The following RNF217 variants were observed in gnomAD, a reference collection of about 807,000 sequenced individuals.
The protein encoded by RNF217 is E3 ubiquitin-protein ligase RNF217.
In RNF217, 31 loss-of-function variants were observed where a neutral mutation model predicts 57.8. That is an observed-to-expected ratio of 0.54 (90% confidence interval 0.40 to 0.72). The LOEUF (loss-of-function observed/expected upper bound fraction) is 0.72, where lower values mean the gene tolerates loss of function less well. Ranked by LOEUF, RNF217 falls within the 30% of genes least tolerant of loss-of-function variation. The probability of loss-of-function intolerance (pLI) is 0.00; values close to 1 mark genes in which losing one functional copy is unlikely to be tolerated. For missense variants in RNF217, 696 were observed against 708.3 expected (o/e 0.98, Z 0.20); for synonymous variants, 313 against 294.0 (o/e 1.06, Z -0.66).
At chr6:125,038,592 C>T (rs547149670) in intron 1 of RNF217, among the ~76,000 whole-genome samples, 16 of 152,146 alleles carry the variant, frequency 1.1e-4, no homozygotes, top group Admixed American at 1.0e-3. Flanking sequence ...TTCACATATA[C>T]TTTAATTATC....
At chr6:125,075,280 T>C (rs1219935813) in intron 3 of RNF217, among the ~76,000 whole-genome samples, 1 of 152,160 alleles carries the variant, frequency 6.6e-6, no homozygotes, top group Non-Finnish European at 1.5e-5. Context: ...TAGACTATTT[T>C]TAGGAGGTCT....
At chr6:124,998,541 T>C (rs540841698) in intron 1 of RNF217, among the ~76,000 whole-genome samples, 1 of 152,194 alleles carries the variant, frequency 6.6e-6, no homozygotes, top group Non-Finnish European at 1.5e-5. Context: ...GGCTCAAACC[T>C]GTAGTCGCAA....
intron 3 of RNF217, among the ~76,000 whole-genome samples, chr6:125,070,316 G>T (rs552525183): frequency 6.6e-6 from 1 of 152,232 alleles, no homozygotes; most frequent in African/African-American, 2.4e-5. Flanking sequence ...CTATAAACAT[G>T]TGCGTGCACA....
At position 125,028,786 on chromosome 6, in the gene RNF217, T is replaced by C. The variant is rs554550134; in HGVS notation, c.883-16425T>C. On this transcript the variant is annotated intron_variant, in intron 1 of 5. Transcript: ENST00000521654. ...ATAAGGTTTTTTTTTTAGTTTTACTTATTATTTACTGTGTTAAATTACTGT... is the reference window on the plus strand; with the variant it reads ...ATAAGGTTTTTTTTTTAGTTTTACTCATTATTTACTGTGTTAAATTACTGT... Among the ~76,000 whole-genome samples the C allele has an allele frequency of 5.2e-4, 79 of 152,218 alleles. 1 individual carries two copies. Among genetic ancestry groups the C allele is most frequent in the African/African-American group, 1.8e-3 (74 of 41,576 alleles).
At chr6:125,076,936 G>A (rs1788398881) in intron 4 of RNF217, 78 bp downstream of exon 4, 2 of 1,254,490 alleles carry the variant, frequency 1.6e-6, no homozygotes, top group South Asian at 2.5e-5. Context: ...GTGCAGCCAT[G>A]GTAATTCAGA....
At chr6:124,979,998 C>T (rs780074637) in intron 1 of RNF217, among the ~76,000 whole-genome samples, 1 of 152,282 alleles carries the variant, frequency 6.6e-6, no homozygotes, top group Non-Finnish European at 1.5e-5. Flanking sequence ...GTCCTTGCAG[C>T]CTTTCTATTG....
chr6:125,021,504 A>C (rs1023740011), intron 1 of RNF217, among the ~76,000 whole-genome samples: 7 of 151,914 alleles, frequency 4.6e-5, no homozygotes, highest in African/African-American at 1.7e-4. Context: ...TGACCTCGTG[A>C]TCTACCCACC....
At chr6:125,027,131 A>G (rs1786129946) in intron 1 of RNF217, among the ~76,000 whole-genome samples, 1 of 152,144 alleles carries the variant, frequency 6.6e-6, no homozygotes, top group Admixed American at 6.5e-5. Context: ...CCATCCCCTC[A>G]AGTATTTATC....
chr6:125,046,003 G>GA (rs1396639446), intron 2 of RNF217, among the ~76,000 whole-genome samples: 1 of 151,938 alleles, frequency 6.6e-6, no homozygotes, highest in African/African-American at 2.4e-5. Flanking sequence ...AATATGATTA[G>GA]AAAAAAACAC....
intron 2 of RNF217, among the ~76,000 whole-genome samples, chr6:125,051,700 G>C (rs1369075114): frequency 2.6e-5 from 4 of 151,906 alleles, no homozygotes; most frequent in Admixed American, 1.3e-4. Context: ...ATTGGTCACA[G>C]AGAATATTCC....
intron 1 of RNF217, among the ~76,000 whole-genome samples, chr6:125,005,771 T>C (rs1032859458): frequency 1.3e-5 from 2 of 152,184 alleles, no homozygotes; most frequent in African/African-American, 4.8e-5. Context: ...ATAGAAAGCT[T>C]TCAAATATAG....
At chr6:124,987,590 C>T (rs370777316) in intron 1 of RNF217, among the ~76,000 whole-genome samples, 54 of 152,080 alleles carry the variant, frequency 3.6e-4, no homozygotes, top group African/African-American at 1.2e-3. Flanking sequence ...GAAAATGTGT[C>T]TACTGCAAAT....
intron 1 of RNF217, among the ~76,000 whole-genome samples, chr6:124,992,888 C>T (rs754178282): frequency 9.9e-5 from 15 of 151,852 alleles, no homozygotes; most frequent in African/African-American, 3.6e-4. Flanking sequence ...CATCTTTTAC[C>T]TAAAACGATT....
intron 1 of RNF217, among the ~76,000 whole-genome samples, chr6:124,990,640 C>T (rs577590915): frequency 1.4e-4 from 22 of 152,226 alleles, no homozygotes; most frequent in Admixed American, 2.6e-4. Context: ...TAAAATATAA[C>T]CAGAATTGAG....
chr6:124,986,637 A>G (rs1287733363), intron 1 of RNF217, among the ~76,000 whole-genome samples: 2 of 152,182 alleles, frequency 1.3e-5, no homozygotes, highest in Admixed American at 6.5e-5. Context: ...TTATAAGGTT[A>G]TCTCTTCCCT....
intron 1 of RNF217, among the ~76,000 whole-genome samples, chr6:124,969,260 A>G (rs1421643487): frequency 6.6e-6 from 1 of 152,236 alleles, no homozygotes; most frequent in Non-Finnish European, 1.5e-5. Flanking sequence ...ATACAAAGAT[A>G]TACATATTTT....
At chr6:125,052,286 G>A (rs1011188822) in intron 2 of RNF217, among the ~76,000 whole-genome samples, 1 of 122,336 alleles carries the variant, frequency 8.2e-6, no homozygotes. Flanking sequence ...CATGCGTTTT[G>A]TGTGTGTGTG....
chr6:124,977,430 A>G (rs1023130601), intron 1 of RNF217, among the ~76,000 whole-genome samples: 1 of 145,194 alleles, frequency 6.9e-6, no homozygotes, highest in African/African-American at 2.4e-5. Flanking sequence ...TAAATGCTGA[A>G]CAAAGATTAT....
At position 125,087,709 on chromosome 6, in the gene RNF217, A is replaced by G. The variant is rs1788811597; in HGVS notation, c.*4772A>G. 6.6e-6 allele frequency: 1 copy of G among 152,142 alleles called. No individual in the cohort carries two copies. The allele number at this position is 152,142 out of a possible 1,614,324, so 9.4% of individuals were successfully genotyped here. Reference sequence around the variant, plus strand: ...AAATAAAACATACCTGAAGAAAAGTAGCAATTTCTGAAATTGTAGTAATCT... The same window carrying G: ...AAATAAAACATACCTGAAGAAAAGTGGCAATTTCTGAAATTGTAGTAATCT... On this transcript the variant is annotated 3_prime_UTR_variant, in exon 6 of 6. Transcript: ENST00000521654.
Sources: allele counts gnomAD v4.1 joint callset (sites outside exome capture counted in the v4.1 genomes callset), GRCh38; gene constraint gnomAD v4.1.1; transcripts MANE v1.5; gene names NCBI Gene and HGNC (gene_info 2026-07-23, HGNC 2026-07-21).